Variants in DDX10 observed in about 807,000 individuals in gnomAD.
The protein encoded by DDX10 is DEAD-box helicase 10, also known as probable ATP-dependent RNA helicase DDX10.
DDX10 carries 74 observed loss-of-function variants against 104.3 expected under a neutral mutation model. The observed-to-expected ratio is 0.71, with a 90% CI of 0.59 to 0.86. DDX10 has a LOEUF of 0.86. Among genes scored for constraint, DDX10 ranks in the 40% least tolerant of loss-of-function variants. The pLI is 0.00. For missense variants in DDX10, 952 were observed against 1,040.0 expected (o/e 0.92, Z 1.16); for synonymous variants, 351 against 353.4 (o/e 0.99, Z 0.08).
chr11:108,938,297 C>G (rs1864061719), intron 17 of DDX10, among the ~76,000 whole-genome samples: 1 of 152,216 alleles, frequency 6.6e-6, no homozygotes, highest in African/African-American at 2.4e-5. Context: ...AGCAGCAAAG[C>G]TGCCTATTGT....
chr11:108,805,137 G>A (rs1443176745), intron 13 of DDX10, among the ~76,000 whole-genome samples: 3 of 152,176 alleles, frequency 2.0e-5, no homozygotes, highest in African/African-American at 2.4e-5. Flanking sequence ...ATTACAAATG[G>A]TATATTTTAT....
chr11:108,931,003 C>T (rs1863969275), intron 17 of DDX10, among the ~76,000 whole-genome samples: 1 of 152,158 alleles, frequency 6.6e-6, no homozygotes, highest in African/African-American at 2.4e-5. Context: ...GACCCAGAAC[C>T]TCTCTTCCCT....
intron 16 of DDX10, among the ~76,000 whole-genome samples, chr11:108,915,283 A>C (rs1488389499): frequency 6.6e-6 from 1 of 152,186 alleles, no homozygotes; most frequent in African/African-American, 2.4e-5. Flanking sequence ...CCCTTCAAGG[A>C]AAACAACTGA....
intron 15 of DDX10, among the ~76,000 whole-genome samples, chr11:108,851,099 T>C (rs1275023692): frequency 6.6e-6 from 1 of 152,156 alleles, no homozygotes; most frequent in Non-Finnish European, 1.5e-5. Flanking sequence ...TGTAGTTCCT[T>C]GATATATAGC....
At chr11:108,710,812 A>G (rs760970919) in intron 10 of DDX10, among the ~76,000 whole-genome samples, 6 of 152,240 alleles carry the variant, frequency 3.9e-5, no homozygotes, top group Non-Finnish European at 7.3e-5. Flanking sequence ...CTATAGTGTT[A>G]TGATGGCTGC....
intron 16 of DDX10, among the ~76,000 whole-genome samples, chr11:108,892,750 A>T (rs1863392862): frequency 6.6e-6 from 1 of 152,174 alleles, no homozygotes; most frequent in African/African-American, 2.4e-5. Flanking sequence ...ATTTGGGATG[A>T]GATGGGGATT....
At chr11:108,834,395 A>G (rs1181989072) in intron 13 of DDX10, among the ~76,000 whole-genome samples, 1 of 152,006 alleles carries the variant, frequency 6.6e-6, no homozygotes, top group Non-Finnish European at 1.5e-5. Context: ...CTACAGTTCA[A>G]TATTGTTTAT....
chr11:108,805,080 C>G (rs1006883327), intron 13 of DDX10, among the ~76,000 whole-genome samples: 2 of 152,146 alleles, frequency 1.3e-5, no homozygotes, highest in African/African-American at 4.8e-5. Context: ...GGGTCATTCT[C>G]CCACAGGCAA....
intron 16 of DDX10, among the ~76,000 whole-genome samples, chr11:108,900,282 T>TTA (rs973122035): frequency 3.3e-5 from 5 of 152,320 alleles, no homozygotes; most frequent in African/African-American, 1.2e-4. Context: ...ACCTCTTTTC[T>TTA]TATAAATTAC....
chr11:108,715,819 C>T (rs1457997002), intron 10 of DDX10, 60 bp from the exon 11 acceptor site: 13 of 832,802 alleles, frequency 1.6e-5, no homozygotes, highest in Non-Finnish European at 2.4e-5. Context: ...ATGCTGCTTA[C>T]TATTTTTAGT....
intron 16 of DDX10, 99 bp downstream of exon 16, chr11:108,852,308 T>C (rs1862805184): frequency 1.2e-6 from 1 of 802,832 alleles, no homozygotes; most frequent in Non-Finnish European, 1.9e-6. Context: ...AATGTTAAAA[T>C]GGAATTTAAA....
chr11:108,912,180 G>A (rs1389675788), intron 16 of DDX10, among the ~76,000 whole-genome samples: 1 of 152,122 alleles, frequency 6.6e-6, no homozygotes, highest in Non-Finnish European at 1.5e-5. Flanking sequence ...TTACTGATTT[G>A]TAGATGGCTT....
chr11:108,668,902 T>C (rs115740831), intron 1 of DDX10, among the ~76,000 whole-genome samples: 2,376 of 152,218 alleles, frequency 0.016, 58 homozygotes, highest in African/African-American at 0.054. Context: ...ACTGAGCTCC[T>C]TCTGGTCAGA....
In DDX10 at chr11:108,673,480, A is replaced by C. The variant is rs2094219795; in HGVS notation, c.200A>C (p.Glu67Ala). Residue 67 changes from glutamate (E) to alanine (A), a missense_variant, in exon 2 of 18, where the codon GAA becomes GCA. Glu to Ala is a moderately radical substitution (Grantham distance 107). Around this residue, in one of 3 missense-constraint regions of DDX10, gnomAD observed 412 missense variants for 479.2 expected, o/e 0.86. Transcript: ENST00000322536. ...CTTTTTTTCCAGATAAATGTAAATG[A>C]AATCACAAGATTTTCAGATTTTCCC... ...MQNYEKINVNEITRFSDFPLS... is the reference protein window; with the variant it reads ...MQNYEKINVNAITRFSDFPLS... 6.3e-7 allele frequency: 1 copy of C among 1,595,120 alleles called. No homozygotes were observed. The highest frequency in any genetic ancestry group is 8.6e-7 in the Non-Finnish European group (1 of 1,163,382).
At chr11:108,914,235 G>T (rs2134661018) in intron 16 of DDX10, among the ~76,000 whole-genome samples, 1 of 152,210 alleles carries the variant, frequency 6.6e-6, no homozygotes, top group East Asian at 1.9e-4. Context: ...TAGGTATTTT[G>T]TGAGGGTCAC....
intron 7 of DDX10, 31 bp from the exon 8 acceptor site, chr11:108,691,845 A>G: frequency 6.3e-7 from 1 of 1,598,534 alleles, no homozygotes; most frequent in South Asian, 1.1e-5. Context: ...CATCTGCCAT[A>G]AGCAAACTTA....
chr11:108,828,056 T>C (rs1862419701), intron 13 of DDX10, among the ~76,000 whole-genome samples: 1 of 152,216 alleles, frequency 6.6e-6, no homozygotes, highest in Non-Finnish European at 1.5e-5. Context: ...ATACTTGTTA[T>C]GTGGGTCTTA....
chr11:108,927,957 G>C (rs1863929375), intron 17 of DDX10, among the ~76,000 whole-genome samples: 1 of 152,146 alleles, frequency 6.6e-6, no homozygotes, highest in Non-Finnish European at 1.5e-5. Context: ...TTGAAGTTTG[G>C]TTTAGTGGTT....
At chr11:108,744,927 A>G (rs1456778895) in intron 13 of DDX10, among the ~76,000 whole-genome samples, 1 of 152,176 alleles carries the variant, frequency 6.6e-6, no homozygotes, top group African/African-American at 2.4e-5. Context: ...AAAGAGGGAA[A>G]GAGGATATAA....
Sources: gnomAD v4.1 joint callset for allele counts (sites outside exome capture counted in the v4.1 genomes callset) on GRCh38, gnomAD v4.1.1 for gene constraint, gnomAD v4.1.1 regional missense constraint, MANE v1.5 for transcripts, NCBI Gene and HGNC (gene_info 2026-07-23, HGNC 2026-07-21) for gene names.